CHRNA7: variants seen among roughly 807,000 people sequenced by gnomAD.
CHRNA7 encodes cholinergic receptor nicotinic alpha 7 subunit.
Under a neutral mutation model 48.0 loss-of-function variants are expected in CHRNA7, and 17 were observed. The ratio of observed to expected loss-of-function variants is 0.35; its 90% CI spans 0.24 to 0.53. The LOEUF (loss-of-function observed/expected upper bound fraction) is 0.53, where lower values mean the gene tolerates loss of function less well. Among genes scored for constraint, CHRNA7 ranks in the 20% least tolerant of loss-of-function variants. The probability of loss-of-function intolerance (pLI) is 0.92; values close to 1 mark genes in which losing one functional copy is unlikely to be tolerated. For synonymous variants in CHRNA7, 75 were observed against 242.3 expected (o/e 0.31, Z 6.41); for missense variants, 155 against 577.7 (o/e 0.27, Z 7.50).
At chr15:32,095,338 T>G (rs1281179549) in intron 2 of CHRNA7, among the ~76,000 whole-genome samples, 2 of 152,244 alleles carry the variant, frequency 1.3e-5, no homozygotes, top group African/African-American at 2.4e-5. Flanking sequence ...GAAGATCCTC[T>G]AAGTTTTGTT....
chr15:32,046,987 C>T (rs928447465), intron 2 of CHRNA7, among the ~76,000 whole-genome samples: 102 of 150,928 alleles, frequency 6.8e-4, no homozygotes, highest in African/African-American at 2.0e-3. Flanking sequence ...TGTAGATATG[C>T]GGCGTTATTT....
At chr15:32,124,570 A>G (rs2051031844) in intron 4 of CHRNA7, among the ~76,000 whole-genome samples, 1 of 152,262 alleles carries the variant, frequency 6.6e-6, no homozygotes, top group African/African-American at 2.4e-5. Flanking sequence ...CTAAGACTGG[A>G]AGAAAATTCA....
At chr15:32,080,547 C>G (rs1388455172) in intron 2 of CHRNA7, among the ~76,000 whole-genome samples, 1 of 152,094 alleles carries the variant, frequency 6.6e-6, no homozygotes, top group Non-Finnish European at 1.5e-5. Context: ...AAAAAAAGCT[C>G]CACATCACGA....
At chr15:32,124,794 G>T (rs768651052) in intron 4 of CHRNA7, among the ~76,000 whole-genome samples, 1 of 152,302 alleles carries the variant, frequency 6.6e-6, no homozygotes, top group Non-Finnish European at 1.5e-5. Context: ...GGGTCATAAA[G>T]GTGGAGTTTC....
intron 2 of CHRNA7, among the ~76,000 whole-genome samples, chr15:32,094,528 C>T (rs1057502026): frequency 1.4e-4 from 22 of 152,126 alleles, no homozygotes; most frequent in East Asian, 1.9e-4. Context: ...AATAGGCAGC[C>T]GCAGATAGTG....
chr15:32,049,157 T>G (rs1281760470), intron 2 of CHRNA7, among the ~76,000 whole-genome samples: 1 of 151,984 alleles, frequency 6.6e-6, no homozygotes, highest in Admixed American at 6.5e-5. Flanking sequence ...AGATGTCTAT[T>G]AGGTCTGCTT....
chr15:32,150,617 C>A (rs921558632), intron 4 of CHRNA7, among the ~76,000 whole-genome samples: 1 of 152,136 alleles, frequency 6.6e-6, no homozygotes, highest in Non-Finnish European at 1.5e-5. Context: ...ACGGTAGTCT[C>A]TAAGAGTTAA....
intron 2 of CHRNA7, among the ~76,000 whole-genome samples, chr15:32,076,172 T>C (rs1454142825): frequency 6.6e-6 from 1 of 152,206 alleles, no homozygotes; most frequent in Admixed American, 6.5e-5. Context: ...TAAATTTTAG[T>C]TATATCTTGT....
chr15:32,105,382 AAGG>A lies in CHRNA7; in HGVS notation c.240+4040_240+4042del, dbSNP rs527482254. Among the ~76,000 whole-genome samples, 40 of 150,516 alleles carry A rather than the reference AAGG, an allele frequency of 2.7e-4. 1 individual carries two copies. The highest frequency in any genetic ancestry group is 3.4e-3 in the Middle Eastern group (1 of 290). On this transcript the variant is annotated intron_variant, in intron 3 of 9. Coordinates refer to ENST00000306901, the MANE Select transcript of CHRNA7 (RefSeq NM_000746.6). ...AGGAGGAGAAGGAGGAGGAGGAAAA[AAGG>A]AGGAAAAATGGAGGAGGAGTTGGAG...
intron 4 of CHRNA7, among the ~76,000 whole-genome samples, chr15:32,115,245 C>T (rs571290795): frequency 3.3e-5 from 5 of 152,248 alleles, no homozygotes; most frequent in South Asian, 2.1e-4. Context: ...GGAAGGAAAG[C>T]GGTGGAACTG....
chr15:32,150,431 T>C (rs1056115869), intron 4 of CHRNA7, among the ~76,000 whole-genome samples: 1 of 152,140 alleles, frequency 6.6e-6, no homozygotes, highest in African/African-American at 2.4e-5. Flanking sequence ...CTGGTGCGGG[T>C]TAGATGCCAT....
intron 2 of CHRNA7, among the ~76,000 whole-genome samples, chr15:32,096,417 C>T (rs1566835152): frequency 6.6e-6 from 1 of 151,924 alleles, no homozygotes; most frequent in African/African-American, 2.4e-5. Flanking sequence ...CTTGCTGACT[C>T]AGGGAAAACC....
At chr15:32,103,980 C>A (rs2050618340) in intron 3 of CHRNA7, among the ~76,000 whole-genome samples, 1 of 152,144 alleles carries the variant, frequency 6.6e-6, no homozygotes, top group Non-Finnish European at 1.5e-5. Flanking sequence ...ACATGGGTGT[C>A]ATCTCTCACC....
chr15:32,137,683 T>C (rs1042808447), intron 4 of CHRNA7, among the ~76,000 whole-genome samples: 2 of 152,152 alleles, frequency 1.3e-5, no homozygotes, highest in Admixed American at 1.3e-4. Context: ...AAAATAAATA[T>C]ATGGAAAACT....
At position 32,149,368 on chromosome 15, in the gene CHRNA7, G is replaced by A. The variant is rs754210648; in HGVS notation, c.351-4539G>A. 9.9e-5 allele frequency among the ~76,000 whole-genome samples: 15 copies of A among 152,128 alleles called. No homozygotes were observed. Among genetic ancestry groups the A allele is most frequent in the Admixed American group, 2.0e-4 (3 of 15,276 alleles). On this transcript the variant is annotated intron_variant, in intron 4 of 9. Transcript: ENST00000306901. The surrounding 1 kb of genome is among the most constrained non-coding windows in gnomAD (Gnocchi z 4.6). ...TGGCTGGCATCTGTCGGGCATCCCC[G>A]GGGAAGCTGCGCCGGTGCTGTGGCC...
chr15:32,050,188 G>T (rs1365164387), intron 2 of CHRNA7, among the ~76,000 whole-genome samples: 6 of 152,124 alleles, frequency 3.9e-5, no homozygotes, highest in Non-Finnish European at 8.8e-5. Context: ...TGTGAATGTT[G>T]GCCTGCCTTG....
chr15:32,117,992 A>T (rs187060110), intron 4 of CHRNA7, among the ~76,000 whole-genome samples: 198 of 152,304 alleles, frequency 1.3e-3, no homozygotes, highest in African/African-American at 4.6e-3. Flanking sequence ...TTAAAATTTA[A>T]CCCCTAATAT....
chr15:32,082,464 G>T (rs1165600138), intron 2 of CHRNA7, among the ~76,000 whole-genome samples: 1 of 151,786 alleles, frequency 6.6e-6, no homozygotes, highest in Non-Finnish European at 1.5e-5. Flanking sequence ...AGTAAAGCAG[G>T]TTATATGTAA....
chr15:32,137,031 C>CAAAA (rs775166263), intron 4 of CHRNA7, among the ~76,000 whole-genome samples: 1,989 of 63,468 alleles, frequency 0.031, 220 homozygotes, highest in African/African-American at 0.066. Flanking sequence ...GACTCCGTCT[C>CAAAA]AAAAAAAAAA....
Sources: allele counts gnomAD v4.1 joint callset (sites outside exome capture counted in the v4.1 genomes callset), GRCh38; gene constraint gnomAD v4.1.1; non-coding constraint Gnocchi (gnomAD v3.1); transcripts MANE v1.5; gene names NCBI Gene and HGNC (gene_info 2026-07-23, HGNC 2026-07-21).